STPG1: variants seen among roughly 807,000 people sequenced by gnomAD.
STPG1 encodes the protein sperm tail PG-rich repeat containing 1.
STPG1 carries 33 observed loss-of-function variants against 40.1 expected under a neutral mutation model. The observed-to-expected ratio is 0.82, with a 90% CI of 0.62 to 1.10. The LOEUF is 1.10. Ranked by LOEUF, STPG1 falls within the 50% of genes least tolerant of loss-of-function variation. STPG1 has a pLI of 0.00. For synonymous variants in STPG1, 150 were observed against 155.0 expected (o/e 0.97, Z 0.24); for missense variants, 396 against 415.1 (o/e 0.95, Z 0.40).
chr1:24,379,998 C>T (rs575725742), intron 4 of STPG1, among the ~76,000 whole-genome samples, 175 bp from the exon 5 acceptor site: 3 of 152,300 alleles, frequency 2.0e-5, no homozygotes, highest in East Asian at 1.9e-4. Context: ...CCTTGGAAAA[C>T]GCAAGTTCAG....
intron 5 of STPG1, among the ~76,000 whole-genome samples, chr1:24,375,652 G>T (rs1641988720): frequency 1.3e-5 from 2 of 152,132 alleles, no homozygotes; most frequent in South Asian, 4.1e-4. Context: ...GAAAGGCTTT[G>T]ACAGACCTCA....
At chr1:24,386,588 C>T (rs1287764926) in intron 3 of STPG1, among the ~76,000 whole-genome samples, 1 of 152,236 alleles carries the variant, frequency 6.6e-6, no homozygotes, top group Admixed American at 6.5e-5. Context: ...AGCACACCAC[C>T]GCCTTCGTGC....
intron 5 of STPG1, among the ~76,000 whole-genome samples, chr1:24,376,645 C>T (rs1350629565): frequency 2.6e-5 from 4 of 152,000 alleles, no homozygotes; most frequent in African/African-American, 7.2e-5. Context: ...GACAGGAAGC[C>T]GGGTGAAGGA....
intron 7 of STPG1, chr1:24,369,412 G>A (rs2148685088): frequency 1.7e-6 from 1 of 602,112 alleles, no homozygotes; most frequent in Non-Finnish European, 3.2e-6. Context: ...CCTCCTCTAT[G>A]GGGTAAGAGT....
intron 1 of STPG1, among the ~76,000 whole-genome samples, chr1:24,405,274 T>A (rs556730073): frequency 6.6e-6 from 1 of 152,354 alleles, no homozygotes; most frequent in South Asian, 2.1e-4. Context: ...TCTTTCTTAA[T>A]ACATGTATTT....
rs577828197 is a variant in STPG1 at position 24,379,918 on chromosome 1, A to C, written c.292-95T>G. On this transcript the variant is annotated intron_variant, in intron 4 of 8. Transcript: ENST00000337248. ...AAGATGGTGACCAGCACAAGGTCTA[A>C]ATGCATTTTATAAAAGGCGAAACTC... is the stretch of plus-strand genomic sequence containing the variant. The C allele has an allele frequency of 1.2e-5, 16 of 1,288,400 alleles. No individual in the cohort carries two copies. The South Asian group carries it at 2.3e-4, about 18-fold the overall frequency. The allele number at this position is 1,288,400 out of a possible 1,614,324, so 79.8% of individuals were successfully genotyped here. A position where few individuals can be genotyped will look rare whatever the true frequency, so the allele number is the denominator to read the frequency against.
chr1:24,382,845 A>T (rs927825308), intron 4 of STPG1, among the ~76,000 whole-genome samples: 7 of 151,396 alleles, frequency 4.6e-5, no homozygotes, highest in African/African-American at 1.7e-4. Flanking sequence ...AGAAATTATT[A>T]TAACTTTTAA....
chr1:24,407,389 TTC>T (rs1025173466), intron 1 of STPG1, among the ~76,000 whole-genome samples: 26 of 152,106 alleles, frequency 1.7e-4, no homozygotes, highest in African/African-American at 6.0e-4. Flanking sequence ...TAAGTCTCTT[TTC>T]TCTCTGTCCT....
chr1:24,389,165 C>T (rs771177756), intron 3 of STPG1, among the ~76,000 whole-genome samples: 8 of 152,200 alleles, frequency 5.3e-5, no homozygotes, highest in Non-Finnish European at 1.2e-4. Flanking sequence ...CTCCTTGGTT[C>T]CTTTAGTCAA....
At chr1:24,412,167 G>A (rs1293894173) in intron 1 of STPG1, 3 of 152,268 alleles carry the variant, frequency 2.0e-5, no homozygotes, top group Non-Finnish European at 4.4e-5. Flanking sequence ...GAAAGCCACT[G>A]TTCTATATGA....
At chr1:24,384,589 G>T (rs1013928569) in intron 3 of STPG1, among the ~76,000 whole-genome samples, 2 of 152,212 alleles carry the variant, frequency 1.3e-5, no homozygotes, top group Non-Finnish European at 2.9e-5. Flanking sequence ...TGTGAGAGAG[G>T]AATAAGTGAG....
intron 1 of STPG1, among the ~76,000 whole-genome samples, chr1:24,411,328 G>A (rs914119740): frequency 1.3e-5 from 2 of 152,110 alleles, no homozygotes; most frequent in Non-Finnish European, 2.9e-5. Flanking sequence ...TTGAACTCAG[G>A]AAGTCTGACT....
chr1:24,392,351 T>C (rs929669532), intron 2 of STPG1, among the ~76,000 whole-genome samples: 1 of 152,258 alleles, frequency 6.6e-6, no homozygotes, highest in Non-Finnish European at 1.5e-5. Context: ...TCTGTCTGCA[T>C]AGCAGGTTGA....
rs1052414598 is a variant in STPG1 at position 24,359,417 on chromosome 1, A to G, written c.929-798T>C. Among the ~76,000 whole-genome samples, 27 of 152,298 alleles carry G rather than the reference A, an allele frequency of 1.8e-4. No individual in the cohort carries two copies. Among genetic ancestry groups the G allele is most frequent in the African/African-American group, 5.8e-4 (24 of 41,572 alleles). On this transcript the variant is annotated intron_variant, in intron 8 of 8. Coordinates refer to ENST00000337248, the MANE Select transcript of STPG1 (RefSeq NM_001199013.2). The surrounding 1 kb of genome is among the most constrained non-coding windows in gnomAD (Gnocchi z 5.3). ...CTGGAGCTCACCCCTTGTATGGAGC[A>G]TTTGCATGTTTGCAATGCTGAGTTC...
At chr1:24,385,745 T>TA (rs1417962840) in intron 3 of STPG1, among the ~76,000 whole-genome samples, 1 of 152,062 alleles carries the variant, frequency 6.6e-6, no homozygotes, top group African/African-American at 2.4e-5. Flanking sequence ...TACATAGGAT[T>TA]AAAAAAATCC....
chr1:24,409,342 A>C (rs1188489728), intron 1 of STPG1, among the ~76,000 whole-genome samples: 4 of 152,308 alleles, frequency 2.6e-5, no homozygotes, highest in African/African-American at 9.6e-5. Flanking sequence ...CCTGGGTGAC[A>C]AAGTGAGACC....
chr1:24,379,569 G>A (rs779868769), intron 5 of STPG1, 84 bp downstream of exon 5: 5 of 1,467,172 alleles, frequency 3.4e-6, no homozygotes, highest in Non-Finnish European at 2.9e-6. Flanking sequence ...ATTAAAATAC[G>A]ATGTCCCCAA....
intron 1 of STPG1, among the ~76,000 whole-genome samples, chr1:24,409,432 CT>C (rs1460257001): frequency 6.6e-6 from 1 of 152,194 alleles, no homozygotes; most frequent in African/African-American, 2.4e-5. Context: ...GAACCATCTA[CT>C]GCCCTAGCTT....
At chr1:24,406,245 T>A (rs1000812640) in intron 1 of STPG1, among the ~76,000 whole-genome samples, 1 of 152,138 alleles carries the variant, frequency 6.6e-6, no homozygotes, top group African/African-American at 2.4e-5. Context: ...ACAGTATACA[T>A]CTTTAATTTA....
Sources: allele counts gnomAD v4.1 joint callset (sites outside exome capture counted in the v4.1 genomes callset), GRCh38; gene constraint gnomAD v4.1.1; non-coding constraint Gnocchi (gnomAD v3.1); transcripts MANE v1.5; gene names NCBI Gene and HGNC (gene_info 2026-07-23, HGNC 2026-07-21).